The following ANKS1B variants were observed in gnomAD, a reference collection of about 807,000 sequenced individuals.
The protein encoded by ANKS1B is ankyrin repeat and sterile alpha motif domain-containing protein 1B.
A neutral mutation model predicts 148.3 loss-of-function variants in ANKS1B; 36 were observed. The ratio of observed to expected loss-of-function variants is 0.24; its 90% CI spans 0.19 to 0.32. The LOEUF (loss-of-function observed/expected upper bound fraction) is 0.32. ANKS1B is among the 10% of genes least tolerant of loss of function. ANKS1B has a pLI of 1.00. For synonymous variants in ANKS1B, 542 were observed against 560.8 expected (o/e 0.97, Z 0.47); for missense variants, 1,157 against 1,542.6 (o/e 0.75, Z 4.19).
intron 17 of ANKS1B, among the ~76,000 whole-genome samples, chr12:99,052,150 A>G (rs1599038969): frequency 6.6e-6 from 1 of 152,264 alleles, no homozygotes; most frequent in African/African-American, 2.4e-5. Flanking sequence ...TTACATTTTC[A>G]TCTTATTCCT....
chr12:99,886,810 C>A (rs56118713), intron 1 of ANKS1B, among the ~76,000 whole-genome samples: 1 of 152,118 alleles, frequency 6.6e-6, no homozygotes, highest in African/African-American at 2.4e-5. Flanking sequence ...TACATCCAGA[C>A]TTACATGCAG....
intron 14 of ANKS1B, among the ~76,000 whole-genome samples, chr12:99,205,343 C>G (rs2082532527): frequency 1.3e-5 from 2 of 152,194 alleles, no homozygotes; most frequent in Non-Finnish European, 2.9e-5. Context: ...TCTTGCTCAC[C>G]TCATCATAAT....
At chr12:98,854,617 T>C (rs1321474944) in intron 17 of ANKS1B, among the ~76,000 whole-genome samples, 1 of 152,238 alleles carries the variant, frequency 6.6e-6, no homozygotes, top group Non-Finnish European at 1.5e-5. Context: ...GTTTAGAATA[T>C]CATTCTAAAT....
chr12:99,497,471 G>C (rs897447543), intron 10 of ANKS1B, among the ~76,000 whole-genome samples: 3 of 152,126 alleles, frequency 2.0e-5, no homozygotes, highest in African/African-American at 4.8e-5. Flanking sequence ...AAGGTGGCAG[G>C]GATGGTTCCT....
At chr12:99,755,330 C>A (rs551309350) in intron 8 of ANKS1B, among the ~76,000 whole-genome samples, 32 of 150,940 alleles carry the variant, frequency 2.1e-4, no homozygotes, top group African/African-American at 7.5e-4. Flanking sequence ...CAAACCAAAC[C>A]TCTGAAATTG....
At chr12:99,330,020 G>A (rs2087198945) in intron 12 of ANKS1B, among the ~76,000 whole-genome samples, 1 of 151,774 alleles carries the variant, frequency 6.6e-6, no homozygotes, top group East Asian at 1.9e-4. Context: ...TTTGGTTACA[G>A]AGCCCAAACC....
chr12:99,010,859 C>T (rs576302542), intron 17 of ANKS1B, among the ~76,000 whole-genome samples: 2 of 148,978 alleles, frequency 1.3e-5, no homozygotes, highest in East Asian at 2.0e-4. Context: ...ATCAGGTGAC[C>T]CTCCCACTTT....
intron 1 of ANKS1B, among the ~76,000 whole-genome samples, chr12:99,854,057 A>T (rs565048883): frequency 1.3e-5 from 2 of 152,064 alleles, no homozygotes; most frequent in Admixed American, 1.3e-4. Flanking sequence ...GTCGCCCAGG[A>T]TGGTGTGCAG....
chr12:99,380,356 T>C (rs1448994258), intron 12 of ANKS1B, among the ~76,000 whole-genome samples: 2 of 152,230 alleles, frequency 1.3e-5, no homozygotes, highest in South Asian at 2.1e-4. Flanking sequence ...AAAATATATT[T>C]TGTTAGGTTA....
At chr12:99,845,193 T>C (rs1384453039) in intron 1 of ANKS1B, among the ~76,000 whole-genome samples, 3 of 152,210 alleles carry the variant, frequency 2.0e-5, no homozygotes, top group Non-Finnish European at 4.4e-5. Flanking sequence ...TAGATTGACT[T>C]CCTCTCTTCC....
At chr12:99,119,426 T>A (rs149236875) in intron 15 of ANKS1B, among the ~76,000 whole-genome samples, 1 of 152,306 alleles carries the variant, frequency 6.6e-6, no homozygotes, top group East Asian at 1.9e-4. Context: ...AGATAAATGT[T>A]TTTTTTAGCC....
intron 17 of ANKS1B, among the ~76,000 whole-genome samples, chr12:99,034,950 C>T (rs181285130): frequency 3.5e-4 from 53 of 152,214 alleles, no homozygotes; most frequent in African/African-American, 1.2e-3. Context: ...TCAGGAGATA[C>T]CACCTCAGTT....
intron 19 of ANKS1B, among the ~76,000 whole-genome samples, chr12:98,818,483 A>T (rs1475480386): frequency 6.6e-6 from 1 of 152,214 alleles, no homozygotes; most frequent in Non-Finnish European, 1.5e-5. Context: ...CTCATTGTGC[A>T]GCTCCCCAGG....
At chr12:99,076,375 A>G (rs1358953667) in intron 16 of ANKS1B, among the ~76,000 whole-genome samples, 1 of 152,234 alleles carries the variant, frequency 6.6e-6, no homozygotes, top group African/African-American at 2.4e-5. Context: ...TAGACTAAGT[A>G]TAAGCAGCTA....
intron 8 of ANKS1B, among the ~76,000 whole-genome samples, chr12:99,724,125 G>C (rs1263858070): frequency 1.3e-5 from 2 of 152,084 alleles, no homozygotes. Context: ...TGCCGCTCCA[G>C]CAAGGGTGCA....
Position 99,428,322 on chromosome 12 carries a change from G to A in ANKS1B, c.1575+15351C>T, listed in dbSNP as rs138576027. On this transcript the variant is annotated intron_variant, in intron 11 of 26. Transcript: ENST00000683438. ...AGCAGGGTGGATGTGTGTGTGCCAT[G>A]CCCTGAGCAGGAGGTGTCCATGTGG... Among the ~76,000 whole-genome samples the A allele has an allele frequency of 1.8e-3, 274 of 152,242 alleles. 1 individual carries two copies. The highest frequency in any genetic ancestry group is 6.1e-3 in the African/African-American group (254 of 41,544).
chr12:99,812,122 A>G (rs1396439694), intron 3 of ANKS1B, 33 bp downstream of exon 3: 1 of 1,589,742 alleles, frequency 6.3e-7, no homozygotes, highest in Non-Finnish European at 8.6e-7. Context: ...AACTAGAAAA[A>G]TTACATCATG....
intron 12 of ANKS1B, among the ~76,000 whole-genome samples, chr12:99,357,200 A>G (rs1349097483): frequency 6.6e-6 from 1 of 152,132 alleles, no homozygotes; most frequent in Non-Finnish European, 1.5e-5. Flanking sequence ...TTCATTTAAC[A>G]TTATATTAAA....
intron 17 of ANKS1B, chr12:98,894,515 C>A: frequency 7.3e-6 from 7 of 954,718 alleles, no homozygotes; most frequent in Non-Finnish European, 8.7e-6. Flanking sequence ...GCAGCCTTCC[C>A]GGCTTGCCCG....
Sources: allele counts gnomAD v4.1 joint callset (sites outside exome capture counted in the v4.1 genomes callset), GRCh38; gene constraint gnomAD v4.1.1; transcripts MANE v1.5; gene names NCBI Gene and HGNC (gene_info 2026-07-23, HGNC 2026-07-21).